The following GRIN3B variants were observed in gnomAD, a reference collection of about 807,000 sequenced individuals.
The protein encoded by GRIN3B is glutamate ionotropic receptor NMDA type subunit 3B, also known as glutamate receptor ionotropic, NMDA 3B.
Under a neutral mutation model 66.0 loss-of-function variants are expected in GRIN3B, and 77 were observed. That is an observed-to-expected ratio of 1.17 (90% confidence interval 0.97 to 1.41). GRIN3B has a LOEUF of 1.41. Among genes scored for constraint, GRIN3B ranks in the 40% most tolerant of loss-of-function variants. The pLI is 0.00. For missense variants in GRIN3B, 1,787 were observed against 1,564.5 expected (o/e 1.14, Z -2.40); for synonymous variants, 823 against 749.7 (o/e 1.10, Z -1.60).
Position 1,007,732 on chromosome 19 carries a change from C to A in GRIN3B, c.2157C>A (p.Arg719=). ...SFPDMHAHMR[R]HSAPTTPRGV... ...CCGACATGCACGCACACATGCGGCG[C>A]CACAGCGCGCCCACCACGCCCCGCG... Residue 719 remains arginine, a synonymous_variant, in exon 4 of 9, where the codon CGC becomes CGA. Transcript: ENST00000234389. The surrounding 1 kb of genome is among the most constrained non-coding windows in gnomAD (Gnocchi z 4.4). The A allele has an allele frequency of 6.5e-7, 1 of 1,527,162 alleles. No individual in the cohort carries two copies. Among genetic ancestry groups the A allele is most frequent in the Non-Finnish European group, 8.8e-7 (1 of 1,138,520 alleles). The allele number at this position is 1,527,162 out of a possible 1,614,324, so 94.6% of individuals were successfully genotyped here. A position where few individuals can be genotyped will look rare whatever the true frequency, so the allele number is the denominator to read the frequency against.
In GRIN3B at chr19:1,004,680, G is replaced by A; in HGVS notation, c.1179G>A (p.Gln393=). 7 of 1,599,682 alleles carry A rather than the reference G, an allele frequency of 4.4e-6. No homozygotes were observed. Among genetic ancestry groups the A allele is most frequent in the Non-Finnish European group, 6.0e-6 (7 of 1,173,544 alleles). ...CGGTGGGCAGCTGGCGGGACGGCCA[G>A]CTGGACTTGGAACCGGGAGGTGCCT... ...WATVGSWRDG[Q]LDLEPGGASA... Residue 393 remains glutamine, a synonymous_variant, in exon 3 of 9, where the codon CAG becomes CAA. Transcript: ENST00000234389.
At position 1,004,829 on chromosome 19, in the gene GRIN3B, A is replaced by C. The variant is rs768236351; in HGVS notation, c.1328A>C (p.Gln443Pro). The C allele has an allele frequency of 6.2e-7, 1 of 1,612,586 alleles. No homozygotes were observed. The highest frequency in any genetic ancestry group is 8.5e-7 in the Non-Finnish European group (1 of 1,179,480). Residue 443 changes from glutamine (Q) to proline (P), a missense_variant, in exon 3 of 9, where the codon CAG becomes CCG. Physicochemically the swap from Gln to Pro is moderately conservative, Grantham distance 76 (BLOSUM62 -1). Transcript: ENST00000234389. The part of the protein sequence containing the change: ...PDEDGQCPAG[Q>P]LCLDPGTNDS... ...GAAGACGGGCAGTGCCCAGCGGGGC[A>C]GCTGTGCCTGGACCCTGGCACCAAC...
In GRIN3B at chr19:1,004,429, G is replaced by A. The variant is rs139841915; in HGVS notation, c.1020-92G>A. 1,439 of 1,120,150 alleles carry A rather than the reference G, an allele frequency of 1.3e-3. 20 individuals carry two copies. In the South Asian group the frequency reaches 0.014, roughly 11 times the overall value. The allele number at this position is 1,120,150 out of a possible 1,614,324, so 69.4% of individuals were successfully genotyped here. A position where few individuals can be genotyped will look rare whatever the true frequency, so the allele number is the denominator to read the frequency against. On this transcript the variant is annotated intron_variant, in intron 2 of 8. Transcript: ENST00000234389. ...TTGTCCTCATGATACGGACAAGAGC[G>A]ACCAGTGGGAATCGGGCACGTGCTG... is the stretch of plus-strand genomic sequence containing the variant.
chr19:1,002,426 A>G (rs1303305243), intron 1 of GRIN3B, among the ~76,000 whole-genome samples: 1 of 145,786 alleles, frequency 6.9e-6, no homozygotes, highest in African/African-American at 2.5e-5. Flanking sequence ...AGATCACGCC[A>G]TTGCACTCCA....
rs1192358107 is a variant in GRIN3B, at chr19:1,005,964, A to G, written c.2052+411A>G. The stretch of plus-strand genomic sequence containing the variant: ...GGTTGCAGTGAATCAAGATGGCACC[A>G]TTGCACTCTAGCCTGGGCAACAGAG... On this transcript the variant is annotated intron_variant, in intron 3 of 8. Transcript: ENST00000234389. The surrounding 1 kb of genome is among the most constrained non-coding windows in gnomAD (Gnocchi z 5.2). Among the ~76,000 whole-genome samples, 1 of 152,006 alleles carries G rather than the reference A, an allele frequency of 6.6e-6. No individual in the cohort carries two copies. The highest frequency in any genetic ancestry group is 1.5e-5 in the Non-Finnish European group (1 of 68,008).
Position 1,009,191 on chromosome 19 carries a change from G to A in GRIN3B, c.2721G>A (p.Gln907=), listed in dbSNP as rs2038807109. The change falls in exon 9 of 9, where the codon CAG becomes CAA. Residue 907 remains glutamine, a synonymous_variant. Coordinates refer to ENST00000234389, the MANE Select transcript of GRIN3B (RefSeq NM_138690.3). The part of the protein sequence containing the change: ...EAEPSGPEVE[Q]QQQQQDQPTA... ...TCCCCAGCGGCCCCGAGGTGGAGCA[G>A]CAGCAGCAGCAGCAGGACCAGCCAA... 1 of 1,430,282 alleles carries A rather than the reference G, an allele frequency of 7.0e-7. No individual in the cohort carries two copies. The highest frequency in any genetic ancestry group is 1.4e-5 in the South Asian group (1 of 71,878). The allele number at this position is 1,430,282 out of a possible 1,614,324, so 88.6% of individuals were successfully genotyped here.
At position 1,004,774 on chromosome 19, in the gene GRIN3B, C is replaced by T. The variant is rs147521452; in HGVS notation, c.1273C>T (p.His425Tyr). 8 of 1,612,526 alleles carry T rather than the reference C, an allele frequency of 5.0e-6. No homozygotes were observed. Among genetic ancestry groups the T allele is most frequent in the African/African-American group, 1.3e-5 (1 of 74,912 alleles). Residue 425 changes from histidine (H) to tyrosine (Y), a missense_variant, in exon 3 of 9, where the codon CAC becomes TAC. His to Tyr is a moderately conservative substitution (Grantham distance 83). Coordinates refer to ENST00000234389, the MANE Select transcript of GRIN3B (RefSeq NM_138690.3). ...PKLRVVTLLE[H>Y]PFVFARDPDE... ...GCTGCGTGTGGTAACGCTGTTGGAA[C>T]ACCCATTTGTGTTTGCCCGTGATCC... is the stretch of plus-strand genomic sequence containing the variant.
rs1351456609 is a variant in GRIN3B at position 1,007,438 on chromosome 19, G to T, written c.2053-190G>T. On this transcript the variant is annotated intron_variant, in intron 3 of 8. Transcript: ENST00000234389. The surrounding 1 kb of genome is among the most constrained non-coding windows in gnomAD (Gnocchi z 4.4). Reference sequence around the variant, plus strand: ...CCCCCGCCCCAGGGGACCCTGGACAGTGTGTGTCTAGAGACAGCTGTGGTG... The same window carrying T: ...CCCCCGCCCCAGGGGACCCTGGACATTGTGTGTCTAGAGACAGCTGTGGTG... Among the ~76,000 whole-genome samples, 2 of 151,934 alleles carry T rather than the reference G, an allele frequency of 1.3e-5. No individual in the cohort carries two copies. The highest frequency in any genetic ancestry group is 2.4e-5 in the African/African-American group (1 of 41,354).
rs1228064551 is a variant in GRIN3B at position 1,007,553 on chromosome 19, C to T, written c.2053-75C>T. 16 of 1,353,656 alleles carry T rather than the reference C, an allele frequency of 1.2e-5. No homozygotes were observed. Among genetic ancestry groups the T allele is most frequent in the South Asian group, 8.6e-5 (5 of 58,278 alleles). 83.9% of individuals were successfully genotyped at this position (1,353,656 alleles called of 1,614,324 possible). A position where few individuals can be genotyped will look rare whatever the true frequency, so the allele number is the denominator to read the frequency against. ...TGCAGTGCCCAGGACGGCCCCACCC[C>T]GGAGAACGGCGCGCCCCTCAATGGT... On this transcript the variant is annotated intron_variant, in intron 3 of 8. Coordinates refer to ENST00000234389, the MANE Select transcript of GRIN3B (RefSeq NM_138690.3). The surrounding 1 kb of genome is among the most constrained non-coding windows in gnomAD (Gnocchi z 4.4).
At position 1,008,886 on chromosome 19, in the gene GRIN3B, A is replaced by G. The variant is rs746635211; in HGVS notation, c.2661A>G (p.Pro887=). 1.2e-6 allele frequency: 2 copies of G among 1,606,372 alleles called. No homozygotes were observed. Among genetic ancestry groups the G allele is most frequent in the East Asian group, 4.5e-5 (2 of 44,376 alleles). Residue 887 remains proline, a synonymous_variant, in exon 8 of 9, where the codon CCA becomes CCG. Transcript: ENST00000234389. ...QKIHRALNTE[P]PEGSKEETAE... ...TCCACCGCGCCCTCAACACGGAGCC[A>G]CCAGAGGGGTCGAAGGAGGAGACGG...
At position 1,005,010 on chromosome 19, in the gene GRIN3B, C is replaced by G. The variant is rs1261341287; in HGVS notation, c.1509C>G (p.Gly503=). The G allele has an allele frequency of 6.2e-7, 1 of 1,612,174 alleles. No individual in the cohort carries two copies. Among genetic ancestry groups the G allele is most frequent in the South Asian group, 1.1e-5 (1 of 91,044 alleles). Residue 503 remains glycine, a synonymous_variant, in exon 3 of 9, where the codon GGC becomes GGG. Transcript: ENST00000234389. This position sits in a 1 kb window ranked among gnomAD's most constrained non-coding sequence, Gnocchi z 5.2. ...FDFELYLVGD[G]KYGALRDGRW... is the part of the protein sequence containing the mutation. ...TCGAGCTGTACCTCGTGGGTGACGG[C>G]AAGTACGGCGCCCTGCGGGACGGCC...
In GRIN3B at chr19:1,009,616, C is replaced by T; in HGVS notation, c.*14C>T. ...AGCCAGGAATGAGGCGGCAGCCGGGCCGTTTGGGCTCAAGACACACACACA... is the reference window on the plus strand; with the variant it reads ...AGCCAGGAATGAGGCGGCAGCCGGGTCGTTTGGGCTCAAGACACACACACA... On this transcript the variant is annotated 3_prime_UTR_variant, in exon 9 of 9. Transcript: ENST00000234389. The T allele has an allele frequency of 7.1e-7, 1 of 1,414,638 alleles. No individual in the cohort carries two copies. The highest frequency in any genetic ancestry group is 9.2e-7 in the Non-Finnish European group (1 of 1,089,712). 87.6% of individuals were successfully genotyped at this position (1,414,638 alleles called of 1,614,324 possible).
At position 1,005,868 on chromosome 19, in the gene GRIN3B, G is replaced by T. The variant is rs1208502035; in HGVS notation, c.2052+315G>T. ...AAATACAAAGAATTAGCTGAGCATG[G>T]TGGTGGGCACCTGTAATCCCAGCTA... On this transcript the variant is annotated intron_variant, in intron 3 of 8. Transcript: ENST00000234389. This position sits in a 1 kb window ranked among gnomAD's most constrained non-coding sequence, Gnocchi z 5.2. Among the ~76,000 whole-genome samples, 1 of 152,036 alleles carries T rather than the reference G, an allele frequency of 6.6e-6. No homozygotes were observed. Among genetic ancestry groups the T allele is most frequent in the African/African-American group, 2.4e-5 (1 of 41,412 alleles).
At position 1,005,649 on chromosome 19, in the gene GRIN3B, G is replaced by A. The variant is rs1157975669; in HGVS notation, c.2052+96G>A. ...CAGGGGTGGTCAGCTGGACGTGGAG[G>A]ACGTCCACTAGGCCAACTCTGGTCC... On this transcript the variant is annotated intron_variant, in intron 3 of 8. Coordinates refer to ENST00000234389, the MANE Select transcript of GRIN3B (RefSeq NM_138690.3). The surrounding 1 kb of genome is among the most constrained non-coding windows in gnomAD (Gnocchi z 5.2). 18 of 934,014 alleles carry A rather than the reference G, an allele frequency of 1.9e-5. No individual in the cohort carries two copies. The highest frequency in any genetic ancestry group is 5.0e-5 in the African/African-American group (3 of 60,264). 57.9% of individuals were successfully genotyped at this position (934,014 alleles called of 1,614,324 possible).
chr19:1,004,869 G>T lies in GRIN3B; in HGVS notation c.1368G>T (p.Leu456=). The change falls in exon 3 of 9, where the codon CTG becomes CTT. Residue 456 remains leucine (L), a synonymous_variant. Transcript: ENST00000234389. ...CTGGCACCAACGACTCGGCCACCCT[G>T]GACGCACTGTTCGCCGCGCTGGCCA... ...LDPGTNDSAT[L]DALFAALANG... The T allele has an allele frequency of 6.2e-7, 1 of 1,610,756 alleles. No individual in the cohort carries two copies.
intron 2 of GRIN3B, 47 bp downstream of exon 2, chr19:1,003,769 G>A (rs2064140385): frequency 7.6e-7 from 1 of 1,314,856 alleles, no homozygotes; most frequent in Middle Eastern, 1.9e-4. Context: ...AGGCCACTGA[G>A]TCTGCACTGC....
At chr19:1,008,322 G>A (rs1448479856) in intron 6 of GRIN3B, 31 bp downstream of exon 6, 4 of 1,137,044 alleles carry the variant, frequency 3.5e-6, no homozygotes, top group African/African-American at 1.5e-5. Context: ...GAGGGTGGGG[G>A]TGGGGGTGGG....
In GRIN3B at chr19:1,007,866, C is replaced by A. The variant is rs577760723; in HGVS notation, c.2209C>A (p.Pro737Thr). Residue 737 changes from proline to threonine, a missense_variant, in exon 5 of 9, where the codon CCC (proline) becomes ACC (threonine). Transcript: ENST00000234389. The surrounding 1 kb of genome is among the most constrained non-coding windows in gnomAD (Gnocchi z 4.4). Reference sequence around the variant, plus strand: ...CCCCGGCCCCAGCAGGAGCGACCCCCCCAAGCTCAACGCCTTCATCATGGA... The same window carrying A: ...CCCCGGCCCCAGCAGGAGCGACCCCACCAAGCTCAACGCCTTCATCATGGA... ...RGVAMLTSDP[P>T]KLNAFIMDKS... 5 of 1,610,788 alleles carry A rather than the reference C, an allele frequency of 3.1e-6. No individual in the cohort carries two copies. The highest frequency in any genetic ancestry group is 4.2e-6 in the Non-Finnish European group (5 of 1,178,810).
intron 3 of GRIN3B, among the ~76,000 whole-genome samples, chr19:1,006,138 C>T (rs2038746377): frequency 6.6e-6 from 1 of 152,102 alleles, no homozygotes. Flanking sequence ...GCGTGAGCCA[C>T]CGCATCCAGC....
Sources: gnomAD v4.1 joint callset for allele counts (sites outside exome capture counted in the v4.1 genomes callset) on GRCh38, gnomAD v4.1.1 for gene constraint, Gnocchi (gnomAD v3.1) non-coding constraint, MANE v1.5 for transcripts, NCBI Gene and HGNC (gene_info 2026-07-23, HGNC 2026-07-21) for gene names.